SEMA3E: variants seen among roughly 807,000 people sequenced by gnomAD.
SEMA3E encodes semaphorin 3E.
In SEMA3E, 49 loss-of-function variants were observed where a neutral mutation model predicts 93.6. That is an observed-to-expected ratio of 0.52 (90% CI 0.42 to 0.66). The LOEUF is 0.66. Ranked by LOEUF, SEMA3E falls within the 30% of genes least tolerant of loss-of-function variation. The probability of loss-of-function intolerance (pLI) is 0.00; values close to 1 mark genes in which losing one functional copy is unlikely to be tolerated. For synonymous variants in SEMA3E, 363 were observed against 330.7 expected, an observed-to-expected ratio of 1.10 and a Z score of -1.06; for missense variants, 906 against 964.8, an observed-to-expected ratio of 0.94 and a Z score of 0.81.
chr7:83,572,770 C>A (rs771327342), intron 1 of SEMA3E, among the ~76,000 whole-genome samples: 61 of 151,962 alleles, frequency 4.0e-4, no homozygotes, highest in African/African-American at 1.5e-3. Flanking sequence ...AAATAAGCAA[C>A]GGGGAAAGGA....
At chr7:83,495,481 A>T in intron 1 of SEMA3E, among the ~76,000 whole-genome samples, 1 of 73,052 alleles carries the variant, frequency 1.4e-5, no homozygotes, top group South Asian at 5.3e-4. Flanking sequence ...TAAAACAATT[A>T]ATGAGATCAA....
intron 5 of SEMA3E, among the ~76,000 whole-genome samples, chr7:83,413,731 T>C (rs988981936): frequency 6.6e-6 from 1 of 152,130 alleles, no homozygotes; most frequent in Non-Finnish European, 1.5e-5. Flanking sequence ...TAGCACTAGC[T>C]CTCAATGTTA....
At chr7:83,427,203 TTTTTC>T (rs1207894206) in intron 4 of SEMA3E, among the ~76,000 whole-genome samples, 1 of 151,898 alleles carries the variant, frequency 6.6e-6, no homozygotes, top group Non-Finnish European at 1.5e-5. Context: ...TTTCCTTCTT[TTTTTC>T]TTTTTTCTTT....
At chr7:83,609,136 G>A (rs190317054) in intron 1 of SEMA3E, among the ~76,000 whole-genome samples, 4 of 151,982 alleles carry the variant, frequency 2.6e-5, no homozygotes, top group Middle Eastern at 3.4e-3. Context: ...AACCTCTACT[G>A]TATATTTTAT....
chr7:83,391,828 T>C (rs1414265255), intron 14 of SEMA3E, among the ~76,000 whole-genome samples: 2 of 152,190 alleles, frequency 1.3e-5, no homozygotes, highest in African/African-American at 4.8e-5. Context: ...GTAAGAAAAT[T>C]GTCTATACTT....
chr7:83,573,851 ATTCT>A (rs943508991), intron 1 of SEMA3E, among the ~76,000 whole-genome samples: 1 of 151,918 alleles, frequency 6.6e-6, no homozygotes, highest in Admixed American at 6.6e-5. Context: ...AAAATATTTA[ATTCT>A]TTATAATACT....
At chr7:83,411,514 C>A (rs865781790) in intron 5 of SEMA3E, among the ~76,000 whole-genome samples, 6 of 151,864 alleles carry the variant, frequency 4.0e-5, no homozygotes, top group South Asian at 4.2e-4. Flanking sequence ...TTATGTTTAG[C>A]AAAATACTTT....
chr7:83,493,168 G>A (rs571163171), intron 1 of SEMA3E, among the ~76,000 whole-genome samples: 1 of 151,828 alleles, frequency 6.6e-6, no homozygotes, highest in South Asian at 2.1e-4. Flanking sequence ...ATGTTTTATG[G>A]AGTCCTTTAA....
rs1005269577 is a variant in SEMA3E at position 83,423,294 on chromosome 7, T to C, written c.457-4811A>G. On this transcript the variant is annotated intron_variant, in intron 4 of 16. Coordinates refer to ENST00000643230, the MANE Select transcript of SEMA3E (RefSeq NM_012431.3). ...TTGAGCCTTGAATATTGAATGTGCA[T>C]GCATTCTCAGAGATGTATGTATGTC... Among the ~76,000 whole-genome samples the C allele has an allele frequency of 4.6e-5, 7 of 152,146 alleles. No individual in the cohort carries two copies. In the South Asian group the frequency reaches 8.3e-4, roughly 18 times the overall value.
At chr7:83,467,600 C>T (rs73174525) in intron 3 of SEMA3E, among the ~76,000 whole-genome samples, 16,634 of 152,172 alleles carry the variant, frequency 0.11, 1,026 homozygotes, top group Non-Finnish European at 0.14. Flanking sequence ...GTCTCTGTTG[C>T]AACTATTCAC....
chr7:83,533,895 T>C (rs1178273770), intron 1 of SEMA3E, among the ~76,000 whole-genome samples: 1 of 152,144 alleles, frequency 6.6e-6, no homozygotes, highest in Non-Finnish European at 1.5e-5. Flanking sequence ...TAGGCTATTG[T>C]CCTAAAGAGG....
chr7:83,395,045 A>G (rs1385000268), intron 12 of SEMA3E, among the ~76,000 whole-genome samples: 3 of 152,208 alleles, frequency 2.0e-5, no homozygotes, highest in Admixed American at 6.6e-5. Context: ...GTTTGTTAAG[A>G]GGGAACATTT....
At chr7:83,548,449 T>C (rs1483468830) in intron 1 of SEMA3E, among the ~76,000 whole-genome samples, 2 of 152,086 alleles carry the variant, frequency 1.3e-5, no homozygotes, top group African/African-American at 4.8e-5. Context: ...AATTAAATTA[T>C]ACATGACTCT....
intron 1 of SEMA3E, among the ~76,000 whole-genome samples, chr7:83,526,610 T>A (rs1011384693): frequency 5.3e-5 from 8 of 152,132 alleles, no homozygotes; most frequent in Non-Finnish European, 1.0e-4. Context: ...TTTGTGCCTT[T>A]GTGGGATTAA....
intron 1 of SEMA3E, among the ~76,000 whole-genome samples, chr7:83,575,158 T>TA (rs1380903338): frequency 3.9e-5 from 6 of 152,038 alleles, no homozygotes; most frequent in African/African-American, 1.4e-4. Context: ...AGTTTGTTTT[T>TA]ACCCTGAAAA....
intron 1 of SEMA3E, among the ~76,000 whole-genome samples, chr7:83,589,280 C>T (rs1376460348): frequency 6.6e-6 from 1 of 152,106 alleles, no homozygotes; most frequent in Non-Finnish European, 1.5e-5. Flanking sequence ...ACACTCCTCT[C>T]TTGTTTCTTC....
At chr7:83,592,193 T>C (rs1792769548) in intron 1 of SEMA3E, among the ~76,000 whole-genome samples, 1 of 152,102 alleles carries the variant, frequency 6.6e-6, no homozygotes, top group Non-Finnish European at 1.5e-5. Context: ...TATTTACATA[T>C]AAAATAATGA....
intron 4 of SEMA3E, among the ~76,000 whole-genome samples, chr7:83,454,672 A>G (rs1789445216): frequency 6.6e-6 from 1 of 152,220 alleles, no homozygotes. Context: ...ATCTGATTTT[A>G]AAATTCATGT....
At chr7:83,475,441 G>T (rs574171163) in intron 2 of SEMA3E, among the ~76,000 whole-genome samples, 12 of 152,226 alleles carry the variant, frequency 7.9e-5, no homozygotes, top group Admixed American at 6.5e-4. Context: ...TCCTGACCAG[G>T]ATAGTAAAGA....
Sources: allele counts gnomAD v4.1 joint callset (sites outside exome capture counted in the v4.1 genomes callset), GRCh38; gene constraint gnomAD v4.1.1; transcripts MANE v1.5; gene names NCBI Gene and HGNC (gene_info 2026-07-23, HGNC 2026-07-21).